Variants in RGPD4 observed in about 807,000 individuals in gnomAD.
The protein encoded by RGPD4 is RANBP2 like and GRIP domain containing 4.
A neutral mutation model predicts 141.1 loss-of-function variants in RGPD4; 84 were observed. That is an observed-to-expected ratio of 0.60 (90% CI 0.50 to 0.71). The LOEUF (loss-of-function observed/expected upper bound fraction) is 0.71. Among genes scored for constraint, RGPD4 ranks in the 30% least tolerant of loss-of-function variants. RGPD4 has a pLI of 0.00. For missense variants in RGPD4, 918 were observed against 1,622.4 expected (o/e 0.57, Z 7.46); for synonymous variants, 298 against 566.8 (o/e 0.53, Z 6.74).
intron 22 of RGPD4, among the ~76,000 whole-genome samples, chr2:107,885,612 A>G (rs1311518559): frequency 6.6e-6 from 1 of 152,216 alleles, no homozygotes; most frequent in Non-Finnish European, 1.5e-5. Flanking sequence ...GTAAACAGAC[A>G]GGAAAACACA....
intron 1 of RGPD4, among the ~76,000 whole-genome samples, chr2:107,833,937 G>A (rs187053537): frequency 6.6e-5 from 10 of 152,028 alleles, no homozygotes; most frequent in Admixed American, 2.0e-4. Context: ...TACCCGGGAC[G>A]CAGAGGTTGC....
intron 1 of RGPD4, among the ~76,000 whole-genome samples, chr2:107,831,308 G>C (rs1681476109): frequency 6.7e-6 from 1 of 148,718 alleles, no homozygotes; most frequent in South Asian, 2.2e-4. Flanking sequence ...ACTTCTCAAA[G>C]TCTACTTGAC....
intron 15 of RGPD4, 131 bp downstream of exon 15, chr2:107,861,871 G>T (rs1376634917): frequency 7.4e-7 from 1 of 1,356,832 alleles, no homozygotes; most frequent in Non-Finnish European, 1.0e-6. Flanking sequence ...GAAGGGATGT[G>T]TGTGTCTAAA....
chr2:107,854,526 A>G (rs1202042242), intron 7 of RGPD4, 30 bp from the exon 8 acceptor site: 2 of 1,206,590 alleles, frequency 1.7e-6, no homozygotes, highest in Admixed American at 2.6e-5. Flanking sequence ...GGTATCATCA[A>G]ATTAAGATTT....
Position 107,872,035 on chromosome 2 carries a change from T to C in RGPD4, c.4031T>C (p.Leu1344Pro), listed in dbSNP as rs1425754675. ...YFEPVVPLPD[L>P]VEVSSGEENE... Reference sequence around the variant, plus strand: ...GAACCTGTTGTTCCTTTACCTGATCTAGTTGAAGTATCCAGTGGTGAGGAA... The same window carrying C: ...GAACCTGTTGTTCCTTTACCTGATCCAGTTGAAGTATCCAGTGGTGAGGAA... The change falls in exon 20 of 23, where the codon CTA becomes CCA. Residue 1344 changes from leucine (L) to proline (P), a missense_variant. Transcript: ENST00000408999. 5.0e-6 allele frequency: 8 copies of C among 1,611,540 alleles called. No homozygotes were observed. Among genetic ancestry groups the C allele is most frequent in the Non-Finnish European group, 5.9e-6 (7 of 1,179,834 alleles).
Position 107,826,922 on chromosome 2 carries a change from A to T in RGPD4, c.-92A>T. The T allele has an allele frequency of 6.5e-7, 1 of 1,547,362 alleles. No homozygotes were observed. The highest frequency in any genetic ancestry group is 8.7e-7 in the Non-Finnish European group (1 of 1,145,688). ...GGTCCTCCGCCGGCTACGCGGAGTC[A>T]GTGGCTTTCAGGCGCTTTCCTGTTG... On this transcript the variant is annotated 5_prime_UTR_variant, in exon 1 of 23. Coordinates refer to ENST00000408999, the MANE Select transcript of RGPD4 (RefSeq NM_182588.3).
chr2:107,878,248 A>G (rs868515268), intron 20 of RGPD4, among the ~76,000 whole-genome samples: 5 of 151,648 alleles, frequency 3.3e-5, no homozygotes, highest in African/African-American at 1.2e-4. Context: ...GAATCAATAG[A>G]TTTTGAACAA....
intron 22 of RGPD4, among the ~76,000 whole-genome samples, chr2:107,885,589 T>C (rs1675488863): frequency 6.6e-6 from 1 of 152,172 alleles, no homozygotes; most frequent in South Asian, 2.1e-4. Flanking sequence ...AAGATGTGCA[T>C]TTGGTAAGTC....
rs1314734965 is a variant in RGPD4 at position 107,847,169 on chromosome 2, G to T, written c.783-1172G>T. 2.8e-5 allele frequency among the ~76,000 whole-genome samples: 4 copies of T among 144,498 alleles called. No individual in the cohort carries two copies. In the East Asian group the frequency reaches 8.0e-4, roughly 29 times the overall value. The allele number at this position is 144,498 out of a possible 152,430, so 94.8% of individuals were successfully genotyped here. On this transcript the variant is annotated intron_variant, in intron 6 of 22. Transcript: ENST00000408999. The stretch of plus-strand genomic sequence containing the variant: ...AGGCGGAAGAATCGCTTGAACCTGG[G>T]AGTCAGAGGTTGCAGTAAGCCAAGA...
Position 107,871,139 on chromosome 2 carries a change from T to C in RGPD4, c.3135T>C (p.Pro1045=), listed in dbSNP as rs566897337. The C allele has an allele frequency of 5.2e-4, 843 of 1,610,698 alleles. 18 individuals carry two copies. The African/African-American group carries it at 9.1e-3, about 17-fold the overall frequency. ...DIHFEPVVQM[P]EKVELVIGEE... ...ATTTTGAACCAGTAGTTCAAATGCC[T>C]GAAAAAGTAGAACTTGTAATAGGAG... is the stretch of plus-strand genomic sequence containing the variant. The change falls in exon 20 of 23, where the codon CCT becomes CCC. Residue 1045 remains proline, a synonymous_variant. Transcript: ENST00000408999.
Position 107,827,051 on chromosome 2 carries a change from C to T in RGPD4, c.38C>T (p.Ala13Val), listed in dbSNP as rs941274581. The change falls in exon 1 of 23, where the codon GCC (alanine) becomes GTC (valine). Residue 13 changes from alanine (A) to valine (V), a missense_variant. By Grantham distance (64) the Ala-to-Val change is moderately conservative. Coordinates refer to ENST00000408999, the MANE Select transcript of RGPD4 (RefSeq NM_182588.3). ...CSKAYGERYVASVQGSAPSPR... is the reference protein window; with the variant it reads ...CSKAYGERYVVSVQGSAPSPR... ...AAGGCCTACGGGGAGCGGTACGTCGCCTCCGTGCAGGGCTCCGCCCCGTCG... is the reference window on the plus strand; with the variant it reads ...AAGGCCTACGGGGAGCGGTACGTCGTCTCCGTGCAGGGCTCCGCCCCGTCG... The T allele has an allele frequency of 5.0e-6, 8 of 1,597,986 alleles. No homozygotes were observed. The highest frequency in any genetic ancestry group is 6.0e-6 in the Non-Finnish European group (7 of 1,173,720).
At chr2:107,858,300 A>C (rs1196633040) in intron 9 of RGPD4, among the ~76,000 whole-genome samples, 1 of 152,074 alleles carries the variant, frequency 6.6e-6, no homozygotes, top group Admixed American at 6.5e-5. Context: ...ACCTATAAAC[A>C]TAATTACTGA....
intron 21 of RGPD4, among the ~76,000 whole-genome samples, chr2:107,880,823 AG>A (rs1470587335): frequency 6.7e-6 from 1 of 148,694 alleles, no homozygotes; most frequent in Non-Finnish European, 1.5e-5. Context: ...TCCTGTTTAA[AG>A]TAGACACCAG....
chr2:107,861,816 T>C, intron 15 of RGPD4, 76 bp downstream of exon 15: 2 of 1,593,286 alleles, frequency 1.3e-6, no homozygotes, highest in Non-Finnish European at 1.7e-6. Context: ...TCTTATATTT[T>C]GGTAATTTCA....
intron 2 of RGPD4, among the ~76,000 whole-genome samples, chr2:107,836,948 A>G (rs1478805490): frequency 1.1e-5 from 1 of 88,394 alleles, no homozygotes; most frequent in Non-Finnish European, 2.4e-5. Flanking sequence ...GAAGTAAAAG[A>G]GGACCATGCC....
intron 20 of RGPD4, among the ~76,000 whole-genome samples, chr2:107,874,154 C>G (rs1177896927): frequency 6.6e-6 from 1 of 150,992 alleles, no homozygotes; most frequent in African/African-American, 2.5e-5. Flanking sequence ...TATGTTTTAT[C>G]TAATGTTTAT....
At chr2:107,858,451 T>TTCTTTTCTTTTCTTG (rs1182515002) in intron 9 of RGPD4, among the ~76,000 whole-genome samples, 19 of 83,708 alleles carry the variant, frequency 2.3e-4, no homozygotes, top group South Asian at 7.8e-4. Flanking sequence ...TTCTTTTCTT[T>TTCTTTTCTTTTCTTG]TTTTTGAGAC....
intron 6 of RGPD4, among the ~76,000 whole-genome samples, chr2:107,845,717 C>T (rs1453699289): frequency 6.6e-6 from 1 of 152,348 alleles, no homozygotes; most frequent in East Asian, 1.9e-4. Flanking sequence ...GCGCCCACCA[C>T]CACGCTCGGC....
rs753086697 is a variant in RGPD4 at position 107,880,070 on chromosome 2, C to G, written c.5027C>G (p.Ala1676Gly). The change falls in exon 21 of 23, where the codon GCA (alanine) becomes GGA (glycine). Residue 1676 changes from alanine to glycine, a missense_variant. By Grantham distance (60) the Ala-to-Gly change is moderately conservative (BLOSUM62 0). Coordinates refer to ENST00000408999, the MANE Select transcript of RGPD4 (RefSeq NM_182588.3). ...ADHLNGLLRE[A>G]EATSAVLMEQ... ...CACTTAAACGGCCTGCTTCGGGAAG[C>G]AGAGGCAACCAGTGCAGTCCTTATG... The G allele has an allele frequency of 6.2e-7, 1 of 1,611,360 alleles. No homozygotes were observed.
Sources: gnomAD v4.1 joint callset for allele counts (sites outside exome capture counted in the v4.1 genomes callset) on GRCh38, gnomAD v4.1.1 for gene constraint, MANE v1.5 for transcripts, NCBI Gene and HGNC (gene_info 2026-07-23, HGNC 2026-07-21) for gene names.